Variants in PTPRD observed in about 807,000 individuals in gnomAD.
PTPRD encodes the protein protein tyrosine phosphatase receptor type D.
Under a neutral mutation model 214.5 loss-of-function variants are expected in PTPRD, and 34 were observed. The observed-to-expected ratio is 0.16, with a 90% CI of 0.12 to 0.21. The LOEUF (loss-of-function observed/expected upper bound fraction) is 0.21. Ranked by LOEUF, PTPRD falls within the 10% of genes least tolerant of loss-of-function variation. The pLI, the probability that PTPRD is intolerant of heterozygous loss-of-function variation, is 1.00. For synonymous variants in PTPRD, 1,128 were observed against 845.7 expected (o/e 1.33, Z -5.79); for missense variants, 2,545 against 2,398.7 (o/e 1.06, Z -1.27).
Position 8,561,447 on chromosome 9 carries a change from G to T in PTPRD, c.353-32668C>A, listed in dbSNP as rs144742366. ...CAGCCTACCCTCATTTTTCTTGGAC[G>T]CAGGATAAGAGCTCAGGAACCCCCA... is the stretch of plus-strand genomic sequence containing the variant. On this transcript the variant is annotated intron_variant, in intron 14 of 45. Coordinates refer to ENST00000381196, the MANE Select transcript of PTPRD (RefSeq NM_002839.4). Among the ~76,000 whole-genome samples the T allele has an allele frequency of 9.2e-5, 14 of 152,202 alleles. No individual in the cohort carries two copies. The East Asian group carries it at 2.7e-3, about 30-fold the overall frequency.
At chr9:10,338,599 TC>T (rs1049544704) in intron 3 of PTPRD, among the ~76,000 whole-genome samples, 13 of 151,736 alleles carry the variant, frequency 8.6e-5, no homozygotes, top group Non-Finnish European at 1.8e-4. Flanking sequence ...ACTGTACTCA[TC>T]TTTTTATTGC....
intron 8 of PTPRD, among the ~76,000 whole-genome samples, chr9:9,555,927 C>A (rs899167830): frequency 3.3e-5 from 5 of 152,002 alleles, no homozygotes; most frequent in Non-Finnish European, 7.4e-5. Context: ...TAAAATAGAA[C>A]CTTTGCTTCC....
chr9:9,449,773 G>A (rs2091585340), intron 8 of PTPRD, among the ~76,000 whole-genome samples: 1 of 151,806 alleles, frequency 6.6e-6, no homozygotes, highest in Non-Finnish European at 1.5e-5. Context: ...GGTACAAGTG[G>A]TTTCTGATTA....
intron 9 of PTPRD, among the ~76,000 whole-genome samples, chr9:9,191,505 T>C (rs530356493): frequency 6.6e-6 from 1 of 152,222 alleles, no homozygotes; most frequent in East Asian, 1.9e-4. Flanking sequence ...CTGATTTAAG[T>C]TGCTATATTG....
intron 2 of PTPRD, among the ~76,000 whole-genome samples, chr9:10,558,013 C>A (rs2063015057): frequency 6.6e-6 from 1 of 152,152 alleles, no homozygotes; most frequent in Non-Finnish European, 1.5e-5. Context: ...ACTACTGGAA[C>A]AAATGGCCCC....
At chr9:8,857,262 C>G (rs2097938456) in intron 11 of PTPRD, among the ~76,000 whole-genome samples, 1 of 152,160 alleles carries the variant, frequency 6.6e-6, no homozygotes, top group Admixed American at 6.5e-5. Flanking sequence ...TTAAAAAAGG[C>G]GGTGGCAGGA....
chr9:9,459,580 C>T (rs900189566), intron 8 of PTPRD, among the ~76,000 whole-genome samples: 2 of 151,880 alleles, frequency 1.3e-5, no homozygotes, highest in African/African-American at 2.4e-5. Flanking sequence ...GAGAACGAAA[C>T]CAATAACTCA....
chr9:8,444,131 G>A (rs910843960), intron 34 of PTPRD, among the ~76,000 whole-genome samples: 1 of 152,020 alleles, frequency 6.6e-6, no homozygotes, highest in African/African-American at 2.4e-5. Flanking sequence ...TAGCAATGAT[G>A]GTGTCAAAAT....
At chr9:9,756,918 C>A (rs58298248) in intron 6 of PTPRD, among the ~76,000 whole-genome samples, 6 of 152,260 alleles carry the variant, frequency 3.9e-5, no homozygotes, top group South Asian at 2.1e-4. Context: ...GAAAAACATG[C>A]TAGTCGTTTT....
chr9:10,162,698 T>TAC (rs1277133868), intron 3 of PTPRD, among the ~76,000 whole-genome samples: 1 of 147,066 alleles, frequency 6.8e-6, no homozygotes, highest in Non-Finnish European at 1.5e-5. Context: ...TGTATATATA[T>TAC]ACATATACAC....
At chr9:10,516,196 C>T (rs948191318) in intron 2 of PTPRD, among the ~76,000 whole-genome samples, 2 of 151,724 alleles carry the variant, frequency 1.3e-5, no homozygotes, top group Admixed American at 6.6e-5. Flanking sequence ...CTACTAACAG[C>T]GTTCAAGGGT....
At chr9:9,292,433 T>C (rs1331294059) in intron 9 of PTPRD, among the ~76,000 whole-genome samples, 1 of 150,568 alleles carries the variant, frequency 6.6e-6, no homozygotes, top group African/African-American at 2.4e-5. Flanking sequence ...TTTCTGTTAG[T>C]TTACCAAGAG....
At chr9:9,503,585 A>C (rs535383251) in intron 8 of PTPRD, among the ~76,000 whole-genome samples, 2 of 151,914 alleles carry the variant, frequency 1.3e-5, no homozygotes, top group East Asian at 3.9e-4. Context: ...AGTCAACTAC[A>C]GTAAATATTG....
At chr9:10,067,137 T>C (rs1438001807) in intron 3 of PTPRD, among the ~76,000 whole-genome samples, 1 of 151,950 alleles carries the variant, frequency 6.6e-6, no homozygotes, top group East Asian at 1.9e-4. Context: ...ATTGCAGTGC[T>C]TGGCATTGTG....
chr9:10,558,021 C>T (rs2063016150), intron 2 of PTPRD, among the ~76,000 whole-genome samples: 1 of 152,012 alleles, frequency 6.6e-6, no homozygotes, highest in Non-Finnish European at 1.5e-5. Flanking sequence ...AACAAATGGC[C>T]CCTGCATTTT....
At chr9:9,486,574 C>T (rs182178693) in intron 8 of PTPRD, among the ~76,000 whole-genome samples, 2 of 151,590 alleles carry the variant, frequency 1.3e-5, no homozygotes, top group East Asian at 1.9e-4. Flanking sequence ...TGTTCTTGCC[C>T]CTTCCTTCTC....
At chr9:8,479,654 C>T (rs1267875067) in intron 30 of PTPRD, among the ~76,000 whole-genome samples, 2 of 152,168 alleles carry the variant, frequency 1.3e-5, no homozygotes, top group African/African-American at 4.8e-5. Context: ...ACTAAAAGTG[C>T]CAATTTCCAA....
chr9:10,016,110 G>C (rs924020269), intron 4 of PTPRD, among the ~76,000 whole-genome samples: 9 of 152,220 alleles, frequency 5.9e-5, no homozygotes, highest in African/African-American at 2.2e-4. Flanking sequence ...ATCATATGTG[G>C]TTGGTAAAGG....
At chr9:10,357,901 G>T (rs559752349) in intron 2 of PTPRD, among the ~76,000 whole-genome samples, 2 of 152,076 alleles carry the variant, frequency 1.3e-5, no homozygotes, top group Admixed American at 6.5e-5. Context: ...TATATAAACA[G>T]AAATCAGATG....
Sources: gnomAD v4.1 joint callset for allele counts (sites outside exome capture counted in the v4.1 genomes callset) on GRCh38, gnomAD v4.1.1 for gene constraint, MANE v1.5 for transcripts, NCBI Gene and HGNC (gene_info 2026-07-23, HGNC 2026-07-21) for gene names.